The following DNAH11 variants were observed in gnomAD, a reference collection of about 807,000 sequenced individuals.
DNAH11 encodes dynein axonemal heavy chain 11, also known as axonemal beta dynein heavy chain 11.
A neutral mutation model predicts 526.0 loss-of-function variants in DNAH11; 442 were observed. The ratio of observed to expected loss-of-function variants is 0.84; its 90% confidence interval spans 0.78 to 0.91. The LOEUF is 0.91. Among genes scored for constraint, DNAH11 ranks in the 40% least tolerant of loss-of-function variants. The probability of loss-of-function intolerance (pLI) is 0.00; values close to 1 mark genes in which losing one functional copy is unlikely to be tolerated. For missense variants in DNAH11, 6,989 were observed against 5,448.7 expected (o/e 1.28, Z -8.90); for synonymous variants, 2,461 against 1,935.9 (o/e 1.27, Z -7.12).
At chr7:21,884,491 T>A in intron 76 of DNAH11, 81 bp downstream of exon 76, 9 of 1,381,086 alleles carry the variant, frequency 6.5e-6, no homozygotes, top group Non-Finnish European at 8.8e-6. Context: ...CTAATTATAC[T>A]ATGGGCAATT....
intron 59 of DNAH11, among the ~76,000 whole-genome samples, chr7:21,787,116 G>T (rs1788226767): frequency 6.6e-6 from 1 of 152,170 alleles, no homozygotes; most frequent in Non-Finnish European, 1.5e-5. Flanking sequence ...GGGATTTTTG[G>T]TGTGTTTTTT....
In DNAH11 at chr7:21,899,343, G is replaced by A. The variant is rs953528476; in HGVS notation, c.13057G>A (p.Asp4353Asn). 6.2e-7 allele frequency: 1 copy of A among 1,613,828 alleles called. No homozygotes were observed. The highest frequency in any genetic ancestry group is 1.7e-5 in the Admixed American group (1 of 60,012). ...STYGLAQWFN[D>N]LLLRCRELDT... ...CTCCCTCCCATAAACCAGGTTCAAT[G>A]ACCTCCTCCTGCGATGCCGAGAACT... The change falls in exon 80 of 82, where the codon GAC becomes AAC. Residue 4353 changes from aspartate (D) to asparagine (N), a missense_variant. Coordinates refer to ENST00000409508, the MANE Select transcript of DNAH11 (RefSeq NM_001277115.2).
chr7:21,809,208 C>T (rs1488349620), intron 63 of DNAH11, among the ~76,000 whole-genome samples: 1 of 152,160 alleles, frequency 6.6e-6, no homozygotes, highest in Non-Finnish European at 1.5e-5. Context: ...TATTCAAGAA[C>T]TTTGTCCATT....
In DNAH11 at chr7:21,605,313, C is replaced by A. The variant is rs532206652; in HGVS notation, c.3649-1113C>A. Among the ~76,000 whole-genome samples the A allele has an allele frequency of 2.6e-5, 4 of 152,232 alleles. No homozygotes were observed. The East Asian group carries it at 5.8e-4, about 22-fold the overall frequency. On this transcript the variant is annotated intron_variant, in intron 18 of 81. Coordinates refer to ENST00000409508, the MANE Select transcript of DNAH11 (RefSeq NM_001277115.2). ...CATCACTGTGGGTGGGTTTGTGTGACAAAACAATTTCACTGTCCCAGGAGA... is the reference window on the plus strand; with the variant it reads ...CATCACTGTGGGTGGGTTTGTGTGAAAAAACAATTTCACTGTCCCAGGAGA...
intron 63 of DNAH11, among the ~76,000 whole-genome samples, chr7:21,816,124 C>T (rs932875865): frequency 3.7e-4 from 57 of 152,106 alleles, no homozygotes; most frequent in African/African-American, 1.4e-3. Flanking sequence ...GCATGGATTG[C>T]TCCATGGGCA....
chr7:21,717,636 T>G (rs1784716127), intron 42 of DNAH11, 139 bp from the exon 43 acceptor site: 1 of 987,670 alleles, frequency 1.0e-6, no homozygotes, highest in African/African-American at 1.6e-5. Flanking sequence ...TATTTGCAGT[T>G]TGAAAAATAG....
intron 45 of DNAH11, among the ~76,000 whole-genome samples, chr7:21,732,738 A>G (rs943310929): frequency 1.3e-5 from 2 of 152,256 alleles, no homozygotes; most frequent in African/African-American, 4.8e-5. Flanking sequence ...ATCTTTCTAT[A>G]CTGCTCTTCT....
At position 21,643,480 on chromosome 7, in the gene DNAH11, GACTC is replaced by G. The variant is rs773453133; in HGVS notation, c.4944+4419_4944+4422del. ...CCACAATAGAGCTATACTAAAGAAAGACTCACTGTCAACGTGATTGGCTCTACTT... is the reference window on the plus strand; with the variant it reads ...CCACAATAGAGCTATACTAAAGAAAGACTGTCAACGTGATTGGCTCTACTT... On this transcript the variant is annotated intron_variant, in intron 28 of 81. Coordinates refer to ENST00000409508, the MANE Select transcript of DNAH11 (RefSeq NM_001277115.2). 1.6e-3 allele frequency among the ~76,000 whole-genome samples: 246 copies of G among 152,300 alleles called. 1 individual carries two copies. The highest frequency in any genetic ancestry group is 1.3e-3 in the Non-Finnish European group (90 of 68,022).
intron 66 of DNAH11, among the ~76,000 whole-genome samples, chr7:21,842,959 G>A (rs1262434162): frequency 6.6e-6 from 1 of 152,190 alleles, no homozygotes; most frequent in East Asian, 1.9e-4. Flanking sequence ...GTAGGAGATA[G>A]GGTGGCTCTG....
At chr7:21,810,845 A>C (rs1422368806) in intron 63 of DNAH11, among the ~76,000 whole-genome samples, 1 of 152,184 alleles carries the variant, frequency 6.6e-6, no homozygotes, top group African/African-American at 2.4e-5. Context: ...ATGGGAGGTT[A>C]GCCAGAAGTT....
At chr7:21,636,116 A>G (rs766644242) in intron 26 of DNAH11, 21 bp downstream of exon 26, 50 of 1,566,738 alleles carry the variant, frequency 3.2e-5, no homozygotes, top group Admixed American at 1.1e-4. Flanking sequence ...GACAGGCTGT[A>G]TGCTATTCTA....
chr7:21,592,598 G>A (rs1357835352), intron 14 of DNAH11, among the ~76,000 whole-genome samples: 1 of 152,154 alleles, frequency 6.6e-6, no homozygotes, highest in East Asian at 1.9e-4. Context: ...TCCCTGTGGA[G>A]GGTAAGCCAC....
chr7:21,691,763 A>T (rs1026425975), intron 35 of DNAH11, among the ~76,000 whole-genome samples: 4 of 152,190 alleles, frequency 2.6e-5, no homozygotes, highest in Non-Finnish European at 4.4e-5. Context: ...ATGTAGCTCT[A>T]AAATAGTCCC....
chr7:21,711,163 AAGGTGACGGTAC>A (rs1485047987), intron 41 of DNAH11, among the ~76,000 whole-genome samples: 1 of 152,212 alleles, frequency 6.6e-6, no homozygotes. Context: ...GCAAAAACAA[AAGGTGACGGTAC>A]AGGTCTGTGA....
At chr7:21,846,059 A>G (rs188124122) in intron 66 of DNAH11, among the ~76,000 whole-genome samples, 130 of 152,308 alleles carry the variant, frequency 8.5e-4, no homozygotes, top group South Asian at 4.1e-4. Context: ...TAGAAGAGCA[A>G]TGGCTTTTGT....
rs368278835 is a variant in DNAH11, at chr7:21,683,963, C to T, written c.5621+19C>T. ...CTGACAGGTAACAATTCAAAGTTTC[C>T]GTCCAGATAGGAAAAACAACCCAAA... On this transcript the variant is annotated intron_variant, in intron 32 of 81. Coordinates refer to ENST00000409508, the MANE Select transcript of DNAH11 (RefSeq NM_001277115.2). 6.0e-5 allele frequency: 96 copies of T among 1,609,862 alleles called. 1 individual carries two copies. The highest frequency in any genetic ancestry group is 5.1e-4 in the African/African-American group (38 of 74,784).
intron 65 of DNAH11, among the ~76,000 whole-genome samples, chr7:21,838,996 C>T (rs1201239749): frequency 1.3e-5 from 2 of 152,162 alleles, no homozygotes; most frequent in African/African-American, 2.4e-5. Flanking sequence ...TCCTCACCAA[C>T]ACTTGTTACT....
Position 21,745,056 on chromosome 7 carries a change from C to T in DNAH11, c.8503C>T (p.Gln2835Ter). 1 of 1,605,640 alleles carries T rather than the reference C, an allele frequency of 6.2e-7. No homozygotes were observed. Among genetic ancestry groups the T allele is most frequent in the Non-Finnish European group, 8.5e-7 (1 of 1,175,844 alleles). ...CCTAGTTTTGTTTGAAGATGCCATG[C>T]AACATGTGTGAGTTAACTAGTCACG... ...MHLVLFEDAMQHVCRISRILR... is the reference protein window; with the variant it reads ...MHLVLFEDAM Residue 2835 changes from glutamine to a stop codon, truncating the protein, a stop_gained, in exon 51 of 82, where the codon CAA (glutamine) becomes TAA (stop). Coordinates refer to ENST00000409508, the MANE Select transcript of DNAH11 (RefSeq NM_001277115.2). LOFTEE classifies it high-confidence loss of function.
chr7:21,589,365 G>A lies in DNAH11; in HGVS notation c.2131G>A (p.Ala711Thr). ...GAATCAACCCTTGGTTAAATTCAGT[G>A]CCATAAATGGTCTTCTCTGTGTCAA... ...NLNQPLVKFS[A>T]INGLLCVNFD... The change falls in exon 12 of 82, where the codon GCC (alanine) becomes ACC (threonine). Residue 711 changes from alanine to threonine, a missense_variant. By Grantham distance (58) the Ala-to-Thr change is moderately conservative (BLOSUM62 0). Coordinates refer to ENST00000409508, the MANE Select transcript of DNAH11 (RefSeq NM_001277115.2). 1.9e-6 allele frequency: 3 copies of A among 1,608,328 alleles called. No individual in the cohort carries two copies. The highest frequency in any genetic ancestry group is 2.2e-5 in the South Asian group (2 of 89,906).
Sources: allele counts gnomAD v4.1 joint callset (sites outside exome capture counted in the v4.1 genomes callset), GRCh38; gene constraint gnomAD v4.1.1; transcripts MANE v1.5; gene names NCBI Gene and HGNC (gene_info 2026-07-23, HGNC 2026-07-21).